The following FAM177A1 variants were observed in gnomAD, a reference collection of about 807,000 sequenced individuals.
FAM177A1 encodes the protein protein FAM177A1.
FAM177A1 carries 22 observed loss-of-function variants against 26.1 expected under a neutral mutation model. The ratio of observed to expected loss-of-function variants is 0.84; its 90% CI spans 0.60 to 1.20. FAM177A1 has a LOEUF of 1.20. Among genes scored for constraint, FAM177A1 ranks in the 50% most tolerant of loss-of-function variants. The pLI is 0.00. For missense variants in FAM177A1, 296 were observed against 291.1 expected (o/e 1.02, Z -0.12); for synonymous variants, 95 against 99.3 (o/e 0.96, Z 0.26).
intron 2 of FAM177A1, among the ~76,000 whole-genome samples, chr14:35,056,361 A>T (rs1361605913): frequency 1.3e-5 from 2 of 150,324 alleles, no homozygotes; most frequent in African/African-American, 4.9e-5. Context: ...TTATTTTTTT[A>T]TTTTTATTTT....
At chr14:35,053,762 T>C (rs2045015136) in intron 2 of FAM177A1, among the ~76,000 whole-genome samples, 1 of 151,976 alleles carries the variant, frequency 6.6e-6, no homozygotes, top group Non-Finnish European at 1.5e-5. Context: ...GAAGCTGAGG[T>C]GGGTGGATCA....
Position 35,046,515 on chromosome 14 carries a change from C to A in FAM177A1, c.52C>A (p.Pro18Thr). Residue 18 changes from proline to threonine, a missense_variant, in exon 1 of 5, where the codon CCT becomes ACT. By Grantham distance (38) the Pro-to-Thr change is conservative. Transcript: ENST00000280987. ...CCTCTTTCTCACCAGCGCCAGCAGC[C>A]CTGTGGTGGCGACGACGATGGACCA... ...ITLFLTSASS[P>T]VVATTMDQEP... 1 of 1,603,938 alleles carries A rather than the reference C, an allele frequency of 6.2e-7. No homozygotes were observed.
At chr14:35,054,647 C>T (rs1008406045) in intron 2 of FAM177A1, 5 of 152,152 alleles carry the variant, frequency 3.3e-5, no homozygotes, top group African/African-American at 1.2e-4. Flanking sequence ...AAATGTTACT[C>T]CTTTTCATCA....
At chr14:35,051,202 C>A (rs1046329066) in intron 1 of FAM177A1, among the ~76,000 whole-genome samples, 1 of 152,024 alleles carries the variant, frequency 6.6e-6, no homozygotes, top group Non-Finnish European at 1.5e-5. Context: ...TCACTGCAAC[C>A]GCCACCTCCC....
chr14:35,079,415 A>G (rs1035931739), intron 4 of FAM177A1, among the ~76,000 whole-genome samples: 1 of 152,232 alleles, frequency 6.6e-6, no homozygotes, highest in African/African-American at 2.4e-5. Flanking sequence ...TTTAAGTACA[A>G]GAAATGTGTA....
At chr14:35,060,299 A>G (rs995217666) in intron 2 of FAM177A1, among the ~76,000 whole-genome samples, 2 of 152,044 alleles carry the variant, frequency 1.3e-5, no homozygotes, top group Non-Finnish European at 2.9e-5. Flanking sequence ...TTTGTTTTTA[A>G]TAATTTCTGT....
In FAM177A1 at chr14:35,046,529, G is replaced by C. The variant is rs2044866502; in HGVS notation, c.66G>C (p.Thr22=). 2.5e-6 allele frequency: 4 copies of C among 1,602,914 alleles called. No individual in the cohort carries two copies. The South Asian group carries it at 4.5e-5, about 18-fold the overall frequency. Residue 22 remains threonine, a synonymous_variant, in exon 1 of 5, where the codon ACG becomes ACC. Coordinates refer to ENST00000280987, the MANE Select transcript of FAM177A1 (RefSeq NM_173607.5). ...GCGCCAGCAGCCCTGTGGTGGCGAC[G>C]ACGATGGACCAGGAGCCAGTGGGCG... is the stretch of plus-strand genomic sequence containing the variant. ...LTSASSPVVA[T]TMDQEPVGGV... is the part of the protein sequence containing the mutation.
At chr14:35,066,606 T>C (rs1007308358) in intron 2 of FAM177A1, among the ~76,000 whole-genome samples, 3 of 151,594 alleles carry the variant, frequency 2.0e-5, no homozygotes, top group African/African-American at 7.3e-5. Flanking sequence ...GGTTTCACCA[T>C]GATGGCTAGG....
At chr14:35,047,011 A>G in intron 1 of FAM177A1, 1 of 1,021,900 alleles carries the variant, frequency 9.8e-7, no homozygotes, top group Non-Finnish European at 1.2e-6. Context: ...CTGCCTGGGC[A>G]TCTGCCCTTT....
chr14:35,061,403 A>G (rs533718572), intron 2 of FAM177A1, among the ~76,000 whole-genome samples: 2 of 150,898 alleles, frequency 1.3e-5, no homozygotes, highest in South Asian at 2.1e-4. Context: ...TTCTGTCTGA[A>G]TAACACCTTC....
In FAM177A1 at chr14:35,082,570, T is replaced by C. The variant is rs2045502169; in HGVS notation, c.*1342T>C. 1.3e-5 allele frequency: 2 copies of C among 151,998 alleles called. No homozygotes were observed. The highest frequency in any genetic ancestry group is 4.2e-4 in the South Asian group (2 of 4,806). The allele number at this position is 151,998 out of a possible 1,614,324, so 9.4% of individuals were successfully genotyped here. The stretch of plus-strand genomic sequence containing the variant: ...ACAGACACACACACACACACATATA[T>C]CTCTAAATGTGTGTATAGAACCTTT... On this transcript the variant is annotated 3_prime_UTR_variant, in exon 5 of 5. Transcript: ENST00000280987.
intron 2 of FAM177A1, among the ~76,000 whole-genome samples, chr14:35,058,678 C>G (rs1366625285): frequency 6.6e-6 from 1 of 151,992 alleles, no homozygotes; most frequent in African/African-American, 2.4e-5. Context: ...AGTTTGAGAC[C>G]AGCCTGGGAA....
In FAM177A1 at chr14:35,050,613, G is replaced by A. The variant is rs180862298; in HGVS notation, c.166-2665G>A. 1.5e-4 allele frequency among the ~76,000 whole-genome samples: 23 copies of A among 151,498 alleles called. No individual in the cohort carries two copies. The East Asian group carries it at 4.5e-3, about 29-fold the overall frequency. ...CAATGAGAGATTGCTAGAGGTAGCA[G>A]TGAGAAGCCTCTACTGTCTTGGGGG... On this transcript the variant is annotated intron_variant, in intron 1 of 4. Transcript: ENST00000280987.
At chr14:35,052,842 A>C (rs1473313006) in intron 1 of FAM177A1, among the ~76,000 whole-genome samples, 1 of 152,132 alleles carries the variant, frequency 6.6e-6, no homozygotes, top group Non-Finnish European at 1.5e-5. Context: ...GGATCACTTG[A>C]GGCCAGGAAT....
chr14:35,065,159 A>C (rs1595048384), intron 2 of FAM177A1, among the ~76,000 whole-genome samples: 2 of 151,682 alleles, frequency 1.3e-5, no homozygotes, highest in South Asian at 2.1e-4. Context: ...AAATAACTAT[A>C]ATATTTTTGG....
intron 2 of FAM177A1, among the ~76,000 whole-genome samples, chr14:35,060,869 G>T (rs149796836): frequency 0.012 from 1,775 of 152,212 alleles, 46 homozygotes; most frequent in African/African-American, 0.041. Flanking sequence ...TCACCGTTCT[G>T]AGTAGCATCA....
upstream of FAM177A1, chr14:35,046,246 C>A: frequency 2.3e-6 from 1 of 437,090 alleles, no homozygotes; most frequent in South Asian, 5.2e-5. Context: ...CGCCCCGCCC[C>A]GCGCGAGCCG....
At position 35,046,631 on chromosome 14, in the gene FAM177A1, AG is replaced by A; in HGVS notation, c.165+5del. On this transcript the variant is annotated splice_donor_region_variant and intron_variant, in intron 1 of 4. Coordinates refer to ENST00000280987, the MANE Select transcript of FAM177A1 (RefSeq NM_173607.5). ...CATTCGGGGAATCTGCAGGGCAGGT[AG>A]GTGGGGCCGCCGAGGCTGACGTCCG... 4.6e-6 allele frequency: 7 copies of A among 1,530,806 alleles called. No individual in the cohort carries two copies. The highest frequency in any genetic ancestry group is 6.2e-6 in the Non-Finnish European group (7 of 1,136,106). 94.8% of individuals were successfully genotyped at this position (1,530,806 alleles called of 1,614,324 possible). A position where few individuals can be genotyped will look rare whatever the true frequency, so the allele number is the denominator to read the frequency against.
chr14:35,045,950 G>GA (rs1368503263), upstream of FAM177A1: 3 of 152,362 alleles, frequency 2.0e-5, no homozygotes, highest in African/African-American at 7.2e-5. Context: ...GTTTGGAATG[G>GA]AAAGTGCAGC....
Sources: allele counts gnomAD v4.1 joint callset (sites outside exome capture counted in the v4.1 genomes callset), GRCh38; gene constraint gnomAD v4.1.1; transcripts MANE v1.5; gene names NCBI Gene and HGNC (gene_info 2026-07-23, HGNC 2026-07-21).